Variants in ROR1 observed in about 807,000 individuals in gnomAD.
ROR1 encodes the protein inactive tyrosine-protein kinase transmembrane receptor ROR1.
A neutral mutation model predicts 78.8 loss-of-function variants in ROR1; 19 were observed. The ratio of observed to expected loss-of-function variants is 0.24; its 90% CI spans 0.17 to 0.35. ROR1 has a LOEUF of 0.35. Among genes scored for constraint, ROR1 ranks in the 10% least tolerant of loss-of-function variants. The pLI is 1.00. For synonymous variants in ROR1, 386 were observed against 433.6 expected (o/e 0.89, Z 1.36); for missense variants, 917 against 1,177.8 (o/e 0.78, Z 3.24).
At chr1:63,781,746 T>A (rs1644652842) in intron 1 of ROR1, among the ~76,000 whole-genome samples, 1 of 152,224 alleles carries the variant, frequency 6.6e-6, no homozygotes. Context: ...GCTATAGTTA[T>A]GTAGCCAGTG....
intron 4 of ROR1, among the ~76,000 whole-genome samples, chr1:64,060,577 G>C (rs1012365480): frequency 2.0e-5 from 3 of 152,176 alleles, no homozygotes; most frequent in African/African-American, 7.2e-5. Flanking sequence ...TCCAACCCAA[G>C]ATAAACTCAA....
At chr1:63,974,879 C>A (rs972250262) in intron 1 of ROR1, among the ~76,000 whole-genome samples, 1 of 152,150 alleles carries the variant, frequency 6.6e-6, no homozygotes, top group Non-Finnish European at 1.5e-5. Flanking sequence ...GGGGACAGTG[C>A]AGAACTTGGG....
At position 63,859,542 on chromosome 1, in the gene ROR1, C is replaced by T. The variant is rs376973356; in HGVS notation, c.91+85034C>T. Among the ~76,000 whole-genome samples, 7 of 152,292 alleles carry T rather than the reference C, an allele frequency of 4.6e-5. No homozygotes were observed. The East Asian group carries it at 1.2e-3, about 25-fold the overall frequency. On this transcript the variant is annotated intron_variant, in intron 1 of 8. Transcript: ENST00000371079. ...AATCATTCATGCAATAAGCAAATGT[C>T]CCCCCTGTAGGCTGTTCTCCAGATC...
intron 2 of ROR1, among the ~76,000 whole-genome samples, chr1:64,021,143 A>G (rs573832501): frequency 1.3e-5 from 2 of 151,326 alleles, no homozygotes; most frequent in South Asian, 4.2e-4. Context: ...ATAACTCATG[A>G]TTTCATTATC....
At chr1:63,850,148 A>G (rs889989842) in intron 1 of ROR1, among the ~76,000 whole-genome samples, 4 of 152,234 alleles carry the variant, frequency 2.6e-5, no homozygotes, top group African/African-American at 9.6e-5. Context: ...CCTGTCATAC[A>G]TCTTGCTATT....
At chr1:63,840,395 T>A (rs1209669414) in intron 1 of ROR1, among the ~76,000 whole-genome samples, 1 of 151,006 alleles carries the variant, frequency 6.6e-6, no homozygotes, top group African/African-American at 2.4e-5. Context: ...GTCTCCTGCC[T>A]CAGCCTCCTG....
chr1:64,051,862 C>A (rs773129894), intron 4 of ROR1, among the ~76,000 whole-genome samples: 2 of 152,220 alleles, frequency 1.3e-5, no homozygotes, highest in African/African-American at 2.4e-5. Context: ...ACACCTATGG[C>A]AAATATAACA....
chr1:63,857,448 A>G (rs774735781), intron 1 of ROR1, among the ~76,000 whole-genome samples: 8 of 152,294 alleles, frequency 5.3e-5, no homozygotes, highest in Non-Finnish European at 1.0e-4. Flanking sequence ...CAGATGTGGT[A>G]TATCCCAAGT....
At chr1:64,173,823 G>C (rs1418069451) in intron 8 of ROR1, among the ~76,000 whole-genome samples, 1 of 152,114 alleles carries the variant, frequency 6.6e-6, no homozygotes, top group Admixed American at 6.5e-5. Flanking sequence ...AAGTTTGGCT[G>C]GCTTGCTTCC....
chr1:63,998,878 G>T (rs1646360684), intron 1 of ROR1, among the ~76,000 whole-genome samples: 1 of 152,106 alleles, frequency 6.6e-6, no homozygotes, highest in South Asian at 2.1e-4. Flanking sequence ...TCGTGGGGAC[G>T]GTTTCCCCTG....
chr1:63,832,519 C>T (rs1644994542), intron 1 of ROR1, among the ~76,000 whole-genome samples: 3 of 152,174 alleles, frequency 2.0e-5, no homozygotes, highest in African/African-American at 4.8e-5. Flanking sequence ...GGTGGGGACA[C>T]AGAGCCAAAC....
intron 1 of ROR1, among the ~76,000 whole-genome samples, chr1:63,876,697 A>G (rs1436646504): frequency 6.8e-6 from 1 of 147,274 alleles, no homozygotes; most frequent in Non-Finnish European, 1.5e-5. Flanking sequence ...TGTGTGTGTG[A>G]GAACATGTGT....
intron 1 of ROR1, among the ~76,000 whole-genome samples, chr1:63,970,500 A>G (rs1282005581): frequency 6.6e-6 from 1 of 152,216 alleles, no homozygotes; most frequent in African/African-American, 2.4e-5. Context: ...AACTCTGGTT[A>G]TAACTCTTGC....
chr1:64,133,033 A>G (rs1358579471), intron 4 of ROR1, among the ~76,000 whole-genome samples: 1 of 152,128 alleles, frequency 6.6e-6, no homozygotes, highest in Non-Finnish European at 1.5e-5. Flanking sequence ...CGCTAAACAG[A>G]TAAAATAGTA....
chr1:63,860,755 CAAGAGTCTG>C (rs1302976601), intron 1 of ROR1, among the ~76,000 whole-genome samples: 2 of 121,368 alleles, frequency 1.6e-5, no homozygotes, highest in Non-Finnish European at 3.2e-5. Flanking sequence ...GGCAACAGAG[CAAGAGTCTG>C]TCTCGGGGAA....
chr1:63,893,701 G>A (rs1434137307), intron 1 of ROR1, among the ~76,000 whole-genome samples: 1 of 151,978 alleles, frequency 6.6e-6, no homozygotes, highest in Non-Finnish European at 1.5e-5. Context: ...ATCAATTAAT[G>A]GTATCAAAAG....
chr1:64,088,531 C>T (rs976390675), intron 4 of ROR1, among the ~76,000 whole-genome samples: 5 of 146,406 alleles, frequency 3.4e-5, no homozygotes, highest in African/African-American at 1.3e-4. Context: ...TGAAAAATAG[C>T]ATTATCTGAT....
At chr1:64,003,726 TTTAAGTTAC>T in intron 1 of ROR1, among the ~76,000 whole-genome samples, 1 of 152,306 alleles carries the variant, frequency 6.6e-6, no homozygotes, top group Middle Eastern at 3.4e-3. Flanking sequence ...TGCCTGTCCT[TTTAAGTTAC>T]AGCAGACTCT....
chr1:63,974,742 A>G (rs1404551282), intron 1 of ROR1, among the ~76,000 whole-genome samples: 1 of 152,076 alleles, frequency 6.6e-6, no homozygotes, highest in Non-Finnish European at 1.5e-5. Context: ...GGCTCAAGCA[A>G]TCCTCCTGCC....
Sources: gnomAD v4.1 joint callset for allele counts (sites outside exome capture counted in the v4.1 genomes callset) on GRCh38, gnomAD v4.1.1 for gene constraint, MANE v1.5 for transcripts, NCBI Gene and HGNC (gene_info 2026-07-23, HGNC 2026-07-21) for gene names.